MAF: variants seen among roughly 807,000 people sequenced by gnomAD.
MAF encodes transcription factor Maf.
In MAF, 10 loss-of-function variants were observed where a neutral mutation model predicts 22.0. The ratio of observed to expected loss-of-function variants is 0.45; its 90% CI spans 0.28 to 0.77. MAF has a LOEUF of 0.77. Among genes scored for constraint, MAF ranks in the 30% least tolerant of loss-of-function variants. MAF has a pLI of 0.12. For synonymous variants in MAF, 337 were observed against 255.8 expected (o/e 1.32, Z -3.03); for missense variants, 544 against 548.4 (o/e 0.99, Z 0.08).
At chr16:79,272,009 G>A in the MAF span, among the ~76,000 whole-genome samples, 4 of 152,158 alleles carry the variant, frequency 2.6e-5, no homozygotes, top group African/African-American at 7.2e-5. Context: ...TCTCCAAATA[G>A]GTCCGTTCAC....
At chr16:79,211,714 C>G in the MAF span, 1 of 1,614,226 alleles carries the variant, frequency 6.2e-7, no homozygotes, top group Non-Finnish European at 8.5e-7. Flanking sequence ...TCACCAGAAG[C>G]TCAGAGCGAA....
chr16:79,444,171 A>G, the MAF span, among the ~76,000 whole-genome samples: 4 of 152,080 alleles, frequency 2.6e-5, no homozygotes, highest in African/African-American at 7.2e-5. Flanking sequence ...ACATTCCTCT[A>G]TTATTATCAT....
the MAF span, among the ~76,000 whole-genome samples, chr16:79,291,955 G>A: frequency 6.6e-6 from 1 of 151,238 alleles, no homozygotes; most frequent in African/African-American, 2.4e-5. Context: ...ACAACAGTAG[G>A]GCCTGGCTCC....
the MAF span, among the ~76,000 whole-genome samples, chr16:79,217,277 G>C: frequency 6.6e-6 from 1 of 152,182 alleles, no homozygotes; most frequent in Non-Finnish European, 1.5e-5. Flanking sequence ...TGTGAAGCCA[G>C]CTCCATCTGC....
At chr16:79,478,168 C>T in the MAF span, among the ~76,000 whole-genome samples, 1 of 152,236 alleles carries the variant, frequency 6.6e-6, no homozygotes, top group African/African-American at 2.4e-5. Flanking sequence ...GTCAATATTT[C>T]CAAACTCCCT....
At chr16:79,244,508 A>T in the MAF span, among the ~76,000 whole-genome samples, 1 of 152,074 alleles carries the variant, frequency 6.6e-6, no homozygotes, top group Admixed American at 6.6e-5. Context: ...ACAACTTACA[A>T]GAGATTATGA....
the MAF span, among the ~76,000 whole-genome samples, chr16:79,357,883 G>C: frequency 6.6e-6 from 1 of 152,316 alleles, no homozygotes; most frequent in East Asian, 1.9e-4. Context: ...TGGGTCTGCT[G>C]ACCTTGAAGG....
chr16:79,452,142 G>A, the MAF span, among the ~76,000 whole-genome samples: 1 of 152,182 alleles, frequency 6.6e-6, no homozygotes, highest in Non-Finnish European at 1.5e-5. Flanking sequence ...AGACAGTGTG[G>A]CCTGCAAAGC....
At chr16:79,562,976 G>A in the MAF span, among the ~76,000 whole-genome samples, 1 of 152,154 alleles carries the variant, frequency 6.6e-6, no homozygotes, top group African/African-American at 2.4e-5. Flanking sequence ...ATTCAAATGT[G>A]TCTACTGGTC....
the MAF span, among the ~76,000 whole-genome samples, chr16:79,577,592 G>A: frequency 1.5e-3 from 221 of 152,250 alleles, 2 homozygotes; most frequent in African/African-American, 5.0e-3. Flanking sequence ...AAAGGGCAGG[G>A]CTTCGGGAAC....
At chr16:79,342,787 A>G in the MAF span, among the ~76,000 whole-genome samples, 1 of 152,210 alleles carries the variant, frequency 6.6e-6, no homozygotes, top group African/African-American at 2.4e-5. Flanking sequence ...TAGATGTAAA[A>G]AGCAAGGCCT....
At chr16:79,529,141 A>C in the MAF span, among the ~76,000 whole-genome samples, 6 of 152,224 alleles carry the variant, frequency 3.9e-5, no homozygotes, top group African/African-American at 1.2e-4. Flanking sequence ...CTCCTGAAGC[A>C]GATTGGGATG....
chr16:79,553,927 A>G, the MAF span, among the ~76,000 whole-genome samples: 1 of 152,028 alleles, frequency 6.6e-6, no homozygotes, highest in Non-Finnish European at 1.5e-5. Flanking sequence ...CATCTCTACT[A>G]AAAATACAAA....
At chr16:79,402,813 C>A in the MAF span, among the ~76,000 whole-genome samples, 2 of 152,186 alleles carry the variant, frequency 1.3e-5, no homozygotes, top group African/African-American at 4.8e-5. Flanking sequence ...CACTGTTGTA[C>A]CTGCCCATGC....
chr16:79,280,757 C>A, the MAF span, among the ~76,000 whole-genome samples: 1 of 152,192 alleles, frequency 6.6e-6, no homozygotes, highest in Non-Finnish European at 1.5e-5. Context: ...TAGCTCCTAT[C>A]CTGGCTTCCC....
At chr16:79,321,024 G>T in the MAF span, among the ~76,000 whole-genome samples, 4 of 152,206 alleles carry the variant, frequency 2.6e-5, no homozygotes, top group Admixed American at 1.3e-4. Flanking sequence ...TGAGGAGTCT[G>T]ATCTCGATCT....
chr16:79,344,558 G>A, the MAF span, among the ~76,000 whole-genome samples: 6 of 152,094 alleles, frequency 3.9e-5, no homozygotes, highest in African/African-American at 1.2e-4. Context: ...AGGTTTCCAC[G>A]TCCCATCTCA....
At chr16:79,535,980 C>T in the MAF span, among the ~76,000 whole-genome samples, 1 of 152,266 alleles carries the variant, frequency 6.6e-6, no homozygotes, top group East Asian at 1.9e-4. Context: ...TTCTTTTCTC[C>T]CACAGTTGGC....
At chr16:79,480,530 A>T in the MAF span, among the ~76,000 whole-genome samples, 453 of 152,278 alleles carry the variant, frequency 3.0e-3, 1 homozygote, top group African/African-American at 0.01. Context: ...TCCAAAGGCC[A>T]TTCGAGCTGG....
Sources: allele counts gnomAD v4.1 joint callset (sites outside exome capture counted in the v4.1 genomes callset), GRCh38; gene constraint gnomAD v4.1.1; transcripts MANE v1.5; gene names NCBI Gene and HGNC (gene_info 2026-07-23, HGNC 2026-07-21).